Variants in HSPA12B observed in about 807,000 individuals in gnomAD.
HSPA12B encodes the protein heat shock 70 kDa protein 12B.
HSPA12B carries 54 observed loss-of-function variants against 69.3 expected under a neutral mutation model. The observed-to-expected ratio is 0.78, with a 90% CI of 0.63 to 0.98. HSPA12B has a LOEUF of 0.98. Ranked by LOEUF, HSPA12B falls within the 50% of genes least tolerant of loss-of-function variation. The pLI is 0.00. For synonymous variants in HSPA12B, 441 were observed against 436.5 expected (o/e 1.01, Z -0.13); for missense variants, 929 against 999.8 (o/e 0.93, Z 0.96).
rs1043634426 is a variant in HSPA12B, at chr20:3,740,417, A to T, written c.44-398A>T. Among the ~76,000 whole-genome samples, 1 of 152,012 alleles carries T rather than the reference A, an allele frequency of 6.6e-6. No homozygotes were observed. Among genetic ancestry groups the T allele is most frequent in the Non-Finnish European group, 1.5e-5 (1 of 67,970 alleles). On this transcript the variant is annotated intron_variant, in intron 2 of 12. Transcript: ENST00000254963. This position sits in a 1 kb window ranked among gnomAD's most constrained non-coding sequence, Gnocchi z 4.9. ...GCTCTGTAGCTCCACCTTTTGAAGG[A>T]GGAGGGCTTCTCTCTCCTCTACTCC... is the stretch of plus-strand genomic sequence containing the variant.
At chr20:3,750,276 G>T (rs944687067) in intron 11 of HSPA12B, 49 bp downstream of exon 11, 1 of 1,526,074 alleles carries the variant, frequency 6.6e-7, no homozygotes, top group South Asian at 1.2e-5. Context: ...ACCCGGGAAT[G>T]ACCGTGCACT....
chr20:3,740,081 A>T lies in HSPA12B; in HGVS notation c.44-734A>T, dbSNP rs1288279140. On this transcript the variant is annotated intron_variant, in intron 2 of 12. Coordinates refer to ENST00000254963, the MANE Select transcript of HSPA12B (RefSeq NM_052970.5). This position sits in a 1 kb window ranked among gnomAD's most constrained non-coding sequence, Gnocchi z 4.9. ...CTCCCTCCCACCAAAGGTCCAGCTCAGTCCCAGGCGTGCAAGAGGGTCTTG... is the reference window on the plus strand; with the variant it reads ...CTCCCTCCCACCAAAGGTCCAGCTCTGTCCCAGGCGTGCAAGAGGGTCTTG... 6.6e-6 allele frequency among the ~76,000 whole-genome samples: 1 copy of T among 151,994 alleles called. No homozygotes were observed. Among genetic ancestry groups the T allele is most frequent in the Non-Finnish European group, 1.5e-5 (1 of 68,004 alleles).
intron 1 of HSPA12B, among the ~76,000 whole-genome samples, chr20:3,736,324 C>T (rs1439830905): frequency 2.0e-5 from 3 of 152,236 alleles, no homozygotes; most frequent in Non-Finnish European, 4.4e-5. Context: ...ATTCTGATTC[C>T]TGAGCATCCA....
chr20:3,744,530 C>T lies in HSPA12B; in HGVS notation c.267-372C>T, dbSNP rs141011990. ...TCTACTTCTCTCCATGGCCACTGAT[C>T]GTGCCCAAGTTCAGCCCCGACCTTC... On this transcript the variant is annotated intron_variant, in intron 4 of 12. Transcript: ENST00000254963. The surrounding 1 kb of genome is among the most constrained non-coding windows in gnomAD (Gnocchi z 4.9). Among the ~76,000 whole-genome samples the T allele has an allele frequency of 2.0e-5, 3 of 152,306 alleles. No individual in the cohort carries two copies. Among genetic ancestry groups the T allele is most frequent in the East Asian group, 1.9e-4 (1 of 5,182 alleles).
rs1261594567 is a variant in HSPA12B, at chr20:3,750,130, C to T, written c.1204C>T (p.Arg402Cys). ...EARKRTAGPH[R>C]AGALNISLPF... ...TCGCAAGCGCACTGCTGGCCCACAC[C>T]GTGCAGGGGCGCTCAACATCTCGCT... Residue 402 changes from arginine to cysteine, a missense_variant, in exon 11 of 13, where the codon CGT becomes TGT. Physicochemically the swap from Arg to Cys is radical, Grantham distance 180 (BLOSUM62 -3). Transcript: ENST00000254963. 1.2e-6 allele frequency: 2 copies of T among 1,611,964 alleles called. No individual in the cohort carries two copies. Among genetic ancestry groups the T allele is most frequent in the African/African-American group, 1.3e-5 (1 of 75,032 alleles).
Position 3,749,354 on chromosome 20 carries a change from C to T in HSPA12B, c.937+36C>T. On this transcript the variant is annotated intron_variant, in intron 9 of 12. Transcript: ENST00000254963. The surrounding 1 kb of genome is among the most constrained non-coding windows in gnomAD (Gnocchi z 5.5). ...AGGGGGACGGAGTGTTATCCTTGGC[C>T]CCTACCGGGCACCATATACTGATGG... The T allele has an allele frequency of 3.8e-6, 6 of 1,573,666 alleles. No individual in the cohort carries two copies. The highest frequency in any genetic ancestry group is 5.2e-6 in the Non-Finnish European group (6 of 1,148,156).
chr20:3,749,110 A>G lies in HSPA12B; in HGVS notation c.851-122A>G. 1 of 763,510 alleles carries G rather than the reference A, an allele frequency of 1.3e-6. No individual in the cohort carries two copies. The highest frequency in any genetic ancestry group is 2.2e-6 in the Non-Finnish European group (1 of 463,294). 47.3% of individuals were successfully genotyped at this position (763,510 alleles called of 1,614,324 possible). A position where few individuals can be genotyped will look rare whatever the true frequency, so the allele number is the denominator to read the frequency against. On this transcript the variant is annotated intron_variant, in intron 8 of 12. Coordinates refer to ENST00000254963, the MANE Select transcript of HSPA12B (RefSeq NM_052970.5). The surrounding 1 kb of genome is among the most constrained non-coding windows in gnomAD (Gnocchi z 5.5). ...CCTCTCCCAGTCAGGAGCAGGTTGG[A>G]GTTTCAGGAGCACTGGCTGCTCCCA...
Position 3,744,785 on chromosome 20 carries a change from C to A in HSPA12B, c.267-117C>A. 1.1e-6 allele frequency: 1 copy of A among 912,978 alleles called. No homozygotes were observed. Among genetic ancestry groups the A allele is most frequent in the South Asian group, 1.5e-5 (1 of 64,886 alleles). The allele number at this position is 912,978 out of a possible 1,614,324, so 56.6% of individuals were successfully genotyped here. On this transcript the variant is annotated intron_variant, in intron 4 of 12. Transcript: ENST00000254963. This position sits in a 1 kb window ranked among gnomAD's most constrained non-coding sequence, Gnocchi z 4.9. ...TTTCTCCTGCTGCCTATGGAGCCGA[C>A]CCATAGCTAGTTCTCCCTGCTCTTT...
At chr20:3,747,871 C>T (rs1030672371) in intron 7 of HSPA12B, among the ~76,000 whole-genome samples, 15 of 152,270 alleles carry the variant, frequency 9.9e-5, no homozygotes, top group African/African-American at 3.6e-4. Context: ...CTCAGCTGGC[C>T]GCTTGTACCT....
At chr20:3,748,577 C>A (rs2088352097) in intron 8 of HSPA12B, among the ~76,000 whole-genome samples, 186 bp downstream of exon 8, 1 of 152,190 alleles carries the variant, frequency 6.6e-6, no homozygotes, top group Non-Finnish European at 1.5e-5. Flanking sequence ...CCAAGGGCAA[C>A]CTCGTCTCAG....
Position 3,745,089 on chromosome 20 carries a change from G to T in HSPA12B, c.453+1G>T. 6.2e-7 allele frequency: 1 copy of T among 1,612,162 alleles called. No individual in the cohort carries two copies. The highest frequency in any genetic ancestry group is 8.5e-7 in the Non-Finnish European group (1 of 1,178,968). ...CAAGATGAAGATCCACAGCGCCACG[G>T]TGAGTCACAGGGCTCCAGACAGGGA... is the stretch of plus-strand genomic sequence containing the variant. On this transcript the variant is annotated splice_donor_variant, in intron 5 of 12. Coordinates refer to ENST00000254963, the MANE Select transcript of HSPA12B (RefSeq NM_052970.5). LOFTEE classifies it high-confidence loss of function. The surrounding 1 kb of genome is among the most constrained non-coding windows in gnomAD (Gnocchi z 5.6).
At position 3,737,908 on chromosome 20, in the gene HSPA12B, T is replaced by TAGG. The variant is rs2088133833; in HGVS notation, c.-17-747_-17-745dup. On this transcript the variant is annotated intron_variant, in intron 1 of 12. Coordinates refer to ENST00000254963, the MANE Select transcript of HSPA12B (RefSeq NM_052970.5). The surrounding 1 kb of genome is among the most constrained non-coding windows in gnomAD (Gnocchi z 4.1). ...ATCCCAGCTACTGAGGAGGCTGAGG[T>TAGG]AGGAGAATGGCTTGAACCTGGGAGG... is the stretch of plus-strand genomic sequence containing the variant. Among the ~76,000 whole-genome samples the TAGG allele has an allele frequency of 6.6e-6, 1 of 151,710 alleles. No homozygotes were observed. The highest frequency in any genetic ancestry group is 2.4e-5 in the African/African-American group (1 of 41,266).
At position 3,745,670 on chromosome 20, in the gene HSPA12B, C is replaced by T. The variant is rs1041214517; in HGVS notation, c.558+73C>T. On this transcript the variant is annotated intron_variant, in intron 6 of 12. Transcript: ENST00000254963. The surrounding 1 kb of genome is among the most constrained non-coding windows in gnomAD (Gnocchi z 5.6). The stretch of plus-strand genomic sequence containing the variant: ...TTCCCCTCATCCGAAACCGCTCCCC[C>T]ATCCCGTCCCCGACATTGGATGGGT... The T allele has an allele frequency of 5.9e-6, 8 of 1,353,628 alleles. No homozygotes were observed. The African/African-American group carries it at 8.6e-5, about 15-fold the overall frequency. 83.9% of individuals were successfully genotyped at this position (1,353,628 alleles called of 1,614,324 possible). A position where few individuals can be genotyped will look rare whatever the true frequency, so the allele number is the denominator to read the frequency against.
At position 3,750,829 on chromosome 20, in the gene HSPA12B, CAG is replaced by C. The variant is rs1391390241; in HGVS notation, c.1328_1329del (p.Gln443ArgfsTer8). ...SSVNFVKWSS[Q>X]GMLRMSCEAM... Reference sequence around the variant, plus strand: ...CGTGAACTTCGTGAAGTGGTCCTCACAGGGGATGCTCCGAATGTCTTGTGAAG... The same window carrying C: ...CGTGAACTTCGTGAAGTGGTCCTCACGGGATGCTCCGAATGTCTTGTGAAG... On this transcript the variant is annotated frameshift_variant, in exon 12 of 13. Coordinates refer to ENST00000254963, the MANE Select transcript of HSPA12B (RefSeq NM_052970.5). LOFTEE classifies it high-confidence loss of function. 1.1e-5 allele frequency: 18 copies of C among 1,613,864 alleles called. No individual in the cohort carries two copies. The highest frequency in any genetic ancestry group is 1.4e-5 in the Non-Finnish European group (17 of 1,180,048).
chr20:3,739,681 G>A (rs977916933), intron 2 of HSPA12B, among the ~76,000 whole-genome samples: 8 of 152,188 alleles, frequency 5.3e-5, no homozygotes, highest in African/African-American at 1.2e-4. Context: ...CTGTCCAGGC[G>A]CTTCCCAGAG....
chr20:3,749,435 C>T lies in HSPA12B; in HGVS notation c.937+117C>T. 1.0e-6 allele frequency: 1 copy of T among 957,284 alleles called. No homozygotes were observed. The highest frequency in any genetic ancestry group is 1.6e-6 in the Non-Finnish European group (1 of 631,802). The allele number at this position is 957,284 out of a possible 1,614,324, so 59.3% of individuals were successfully genotyped here. A position where few individuals can be genotyped will look rare whatever the true frequency, so the allele number is the denominator to read the frequency against. On this transcript the variant is annotated intron_variant, in intron 9 of 12. Transcript: ENST00000254963. This position sits in a 1 kb window ranked among gnomAD's most constrained non-coding sequence, Gnocchi z 5.5. ...TTCCTCCTCCATTCGCTGTACCCAA[C>T]CTGGCCGTCCCCTCACAGTCACCCG...
Position 3,749,854 on chromosome 20 carries a change from G to A in HSPA12B, c.1042G>A (p.Gly348Arg). Residue 348 changes from glycine to arginine, a missense_variant and splice_region_variant, in exon 10 of 13, where the codon GGG becomes AGG. Transcript: ENST00000254963. This position sits in a 1 kb window ranked among gnomAD's most constrained non-coding sequence, Gnocchi z 5.5. ...CCTCAAGGAGCTCTACAAGGCATCT[G>A]GTGAGTAGCCAGGCGGCGCCCCGGT... Reference protein sequence around the residue: ...GTLKELYKASGGPYGAVGVDL... With the variant: ...GTLKELYKASRGPYGAVGVDL... The A allele has an allele frequency of 6.2e-7, 1 of 1,601,032 alleles. No homozygotes were observed. The highest frequency in any genetic ancestry group is 2.3e-5 in the East Asian group (1 of 44,346).
intron 7 of HSPA12B, among the ~76,000 whole-genome samples, chr20:3,747,932 C>G (rs548005434): frequency 6.6e-6 from 1 of 152,264 alleles, no homozygotes; most frequent in Non-Finnish European, 1.5e-5. Context: ...TTTGAAGGGG[C>G]AGATCCCAGG....
Position 3,752,391 on chromosome 20 carries a change from C to T in HSPA12B, c.*225C>T. ...TCCGCTGACTGCCAGGCTGAAGGGA[C>T]CCGCCAAGGACTGAACGGGTAAGAG... is the stretch of plus-strand genomic sequence containing the variant. On this transcript the variant is annotated 3_prime_UTR_variant, in exon 13 of 13. Coordinates refer to ENST00000254963, the MANE Select transcript of HSPA12B (RefSeq NM_052970.5). The T allele has an allele frequency of 2.1e-6, 1 of 477,256 alleles. No homozygotes were observed. The highest frequency in any genetic ancestry group is 3.6e-6 in the Non-Finnish European group (1 of 276,678). The allele number at this position is 477,256 out of a possible 1,614,324, so 29.6% of individuals were successfully genotyped here.
Sources: gnomAD v4.1 joint callset for allele counts (sites outside exome capture counted in the v4.1 genomes callset) on GRCh38, gnomAD v4.1.1 for gene constraint, Gnocchi (gnomAD v3.1) non-coding constraint, MANE v1.5 for transcripts, NCBI Gene and HGNC (gene_info 2026-07-23, HGNC 2026-07-21) for gene names.